The following TEX11 variants were observed in gnomAD, a reference collection of about 807,000 sequenced individuals.
The protein encoded by TEX11 is testis-expressed protein 11.
A neutral mutation model predicts 84.4 loss-of-function variants in TEX11; 7 were observed. The observed-to-expected ratio is 0.08, with a 90% CI of 0.05 to 0.16. The LOEUF is 0.16. TEX11 is among the 10% of genes least tolerant of loss of function. TEX11 has a pLI of 1.00. For synonymous variants in TEX11, 264 were observed against 222.8 expected (o/e 1.18, Z -1.64); for missense variants, 551 against 660.5 (o/e 0.83, Z 1.82).
chrX:70,665,561 T>C (rs2089969057), intron 16 of TEX11, among the ~76,000 whole-genome samples: 1 of 112,125 alleles, frequency 8.9e-6, no homozygotes, highest in Non-Finnish European at 1.9e-5. Context: ...TCTGAATGGA[T>C]AATAGCAATT....
intron 17 of TEX11, among the ~76,000 whole-genome samples, chrX:70,638,183 G>C (rs1197631974): frequency 9.0e-6 from 1 of 111,015 alleles, no homozygotes; most frequent in Admixed American, 9.5e-5. Context: ...ACAACACCAA[G>C]ACATATTATA....
chrX:70,560,624 C>T (rs1216695434), intron 25 of TEX11, among the ~76,000 whole-genome samples: 1 of 111,574 alleles, frequency 9.0e-6, no homozygotes, highest in Non-Finnish European at 1.9e-5. Flanking sequence ...AAAGTTCTCA[C>T]TTGTAATGAA....
intron 11 of TEX11, among the ~76,000 whole-genome samples, chrX:70,738,898 A>G (rs943913742): frequency 4.5e-5 from 5 of 110,328 alleles, no homozygotes; most frequent in Non-Finnish European, 9.5e-5. Context: ...GAGTAGAACA[A>G]TGAGAACACA....
intron 9 of TEX11, among the ~76,000 whole-genome samples, chrX:70,802,384 GA>G (rs2091194269): frequency 2.7e-5 from 3 of 111,180 alleles, no homozygotes; most frequent in South Asian, 7.5e-4. Context: ...TGACATGTGA[GA>G]AAAAAATGGT....
At chrX:70,898,800 T>C (rs1461931185) in intron 2 of TEX11, among the ~76,000 whole-genome samples, 1 of 110,077 alleles carries the variant, frequency 9.1e-6, no homozygotes, top group African/African-American at 3.3e-5. Context: ...AGAGACGGGG[T>C]TTCACAGTGT....
At chrX:70,874,236 T>G (rs1371854134) in intron 3 of TEX11, among the ~76,000 whole-genome samples, 1 of 110,222 alleles carries the variant, frequency 9.1e-6, no homozygotes, top group Non-Finnish European at 1.9e-5. Context: ...TAAACTTCTT[T>G]TCCTTATCAA....
intron 17 of TEX11, among the ~76,000 whole-genome samples, chrX:70,634,694 C>A (rs1423810919): frequency 7.9e-5 from 8 of 101,130 alleles, no homozygotes; most frequent in Non-Finnish European, 1.6e-4. Context: ...GATGCTGGAA[C>A]AATTGGATAG....
At chrX:70,591,383 T>C (rs976759449) in intron 25 of TEX11, among the ~76,000 whole-genome samples, 4 of 109,798 alleles carry the variant, frequency 3.6e-5, no homozygotes, top group Non-Finnish European at 7.6e-5. Context: ...GGCAAATCAC[T>C]TGAGGTCAGG....
chrX:70,829,307 C>T (rs998770239), intron 8 of TEX11, among the ~76,000 whole-genome samples: 1 of 110,079 alleles, frequency 9.1e-6, no homozygotes, highest in African/African-American at 3.3e-5. Context: ...TATGGTGAAA[C>T]CCCGTCTCTA....
chrX:70,653,872 A>G (rs1464214689), intron 16 of TEX11, among the ~76,000 whole-genome samples: 2 of 112,187 alleles, frequency 1.8e-5, no homozygotes, highest in East Asian at 5.5e-4. Flanking sequence ...ATTAACTACC[A>G]ACCCATAAAA....
the TEX11 span, among the ~76,000 whole-genome samples, chrX:70,514,199 G>T: frequency 9.1e-6 from 1 of 109,733 alleles, no homozygotes; most frequent in African/African-American, 3.4e-5. Context: ...GGCATTTGAA[G>T]AAGCCTAAGA....
intron 3 of TEX11, among the ~76,000 whole-genome samples, chrX:70,877,584 C>G (rs960436871): frequency 8.9e-6 from 1 of 111,753 alleles, no homozygotes; most frequent in African/African-American, 3.3e-5. Context: ...CATACCAATG[C>G]TCATAGCAAC....
intron 7 of TEX11, among the ~76,000 whole-genome samples, chrX:70,835,864 C>T (rs2147835086): frequency 9.0e-6 from 1 of 111,447 alleles, no homozygotes; most frequent in African/African-American, 3.2e-5. Flanking sequence ...GTAATCCCAG[C>T]ACTTTGGGAG....
At chrX:70,829,683 A>G (rs1488060790) in intron 8 of TEX11, among the ~76,000 whole-genome samples, 1 of 109,676 alleles carries the variant, frequency 9.1e-6, no homozygotes, top group Non-Finnish European at 1.9e-5. Context: ...AATCAGGGGA[A>G]CAAAGTTAAA....
intron 9 of TEX11, among the ~76,000 whole-genome samples, chrX:70,750,933 A>AAAAATATATATATATATATAT (rs1390175136): frequency 2.1e-4 from 6 of 28,188 alleles, no homozygotes; most frequent in Non-Finnish European, 3.5e-4. Context: ...AAAAAAAAAA[A>AAAAATATATATATATATATAT]ATATATATAT....
intron 17 of TEX11, among the ~76,000 whole-genome samples, chrX:70,648,714 A>G (rs1384844116): frequency 1.8e-5 from 2 of 111,256 alleles, no homozygotes; most frequent in Non-Finnish European, 3.8e-5. Context: ...GTTCTTTTTT[A>G]TTGTTTTAAC....
Position 70,606,981 on chromosome X carries a change from T to G in TEX11, c.1928A>C (p.Glu643Ala). The G allele has an allele frequency of 8.4e-7, 1 of 1,196,565 alleles. No homozygotes were observed. The highest frequency in any genetic ancestry group is 1.1e-6 in the Non-Finnish European group (1 of 888,445). The change falls in exon 23 of 30, where the codon GAG becomes GCG. Residue 643 changes from glutamate (E) to alanine (A), a missense_variant. Physicochemically the swap from Glu to Ala is moderately radical, Grantham distance 107 (BLOSUM62 -1). Coordinates refer to ENST00000374333, the MANE Select transcript of TEX11 (RefSeq NM_031276.3). ...QCDKDPVMMR[E>A]FFILSYKMSQ... ...TACCTTATAAGAAAGTATAAAAAAC[T>G]CTCTCATCATCACTGGATCTTTGTC...
intron 24 of TEX11, among the ~76,000 whole-genome samples, chrX:70,594,112 C>A (rs1364249603): frequency 9.0e-6 from 1 of 111,095 alleles, no homozygotes; most frequent in African/African-American, 3.3e-5. Context: ...AAATTTGAAA[C>A]TAGCAAAGAG....
chrX:70,839,886 T>A (rs916075237), intron 7 of TEX11, among the ~76,000 whole-genome samples: 1 of 110,957 alleles, frequency 9.0e-6, no homozygotes, highest in Non-Finnish European at 1.9e-5. Context: ...AGAAAGGGTA[T>A]CAGTGATGGA....
Sources: allele counts gnomAD v4.1 joint callset (sites outside exome capture counted in the v4.1 genomes callset), GRCh38; gene constraint gnomAD v4.1.1; transcripts MANE v1.5; gene names NCBI Gene and HGNC (gene_info 2026-07-23, HGNC 2026-07-21).